TUSC3: variants seen among roughly 807,000 people sequenced by gnomAD.
The protein encoded by TUSC3 is tumor suppressor candidate 3, also known as dolichyl-diphosphooligosaccharide--protein glycosyltransferase subunit TUSC3.
A neutral mutation model predicts 44.8 loss-of-function variants in TUSC3; 45 were observed. The ratio of observed to expected loss-of-function variants is 1.00; its 90% CI spans 0.79 to 1.29. The LOEUF is 1.29. Ranked by LOEUF, TUSC3 falls within the 50% of genes most tolerant of loss-of-function variation. The pLI is 0.00. For synonymous variants in TUSC3, 212 were observed against 152.9 expected, an observed-to-expected ratio of 1.39 and a Z score of -2.85; for missense variants, 519 against 437.9, an observed-to-expected ratio of 1.19 and a Z score of -1.65.
At chr8:15,426,720 G>T (rs1260464490) in intron 1 of TUSC3, among the ~76,000 whole-genome samples, 1 of 152,184 alleles carries the variant, frequency 6.6e-6, no homozygotes, top group East Asian at 1.9e-4. Context: ...CCAAGATCCT[G>T]ATTTTAATTC....
intron 1 of TUSC3, among the ~76,000 whole-genome samples, chr8:15,565,991 C>G: frequency 6.6e-6 from 1 of 152,126 alleles, no homozygotes; most frequent in South Asian, 2.1e-4. Flanking sequence ...AAACTAAATA[C>G]CAAAACAAAT....
intron 7 of TUSC3, among the ~76,000 whole-genome samples, chr8:15,738,206 A>G (rs1811017220): frequency 1.3e-5 from 2 of 152,174 alleles, no homozygotes; most frequent in Non-Finnish European, 2.9e-5. Flanking sequence ...CTAACAAAAC[A>G]TTTTATCTTG....
intron 2 of TUSC3, among the ~76,000 whole-genome samples, chr8:15,625,518 G>A (rs1053231962): frequency 2.0e-5 from 3 of 152,118 alleles, no homozygotes; most frequent in Admixed American, 1.3e-4. Context: ...TTCCTCGATG[G>A]TTAAGCACAG....
chr8:15,625,576 C>G (rs996912852), intron 2 of TUSC3, among the ~76,000 whole-genome samples: 6 of 152,158 alleles, frequency 3.9e-5, no homozygotes, highest in African/African-American at 1.2e-4. Flanking sequence ...CAAGAGCAAA[C>G]ACATTTTGTA....
intron 1 of TUSC3, among the ~76,000 whole-genome samples, chr8:15,542,291 C>G (rs1314721768): frequency 1.3e-5 from 2 of 151,906 alleles, no homozygotes; most frequent in Non-Finnish European, 2.9e-5. Flanking sequence ...TTTTATTAGC[C>G]AGATGAAGCC....
At chr8:15,465,733 C>T (rs188501723) in intron 1 of TUSC3, among the ~76,000 whole-genome samples, 3 of 152,258 alleles carry the variant, frequency 2.0e-5, no homozygotes, top group African/African-American at 7.2e-5. Context: ...TGGAATTAAA[C>T]ATCAAACATA....
intron 1 of TUSC3, among the ~76,000 whole-genome samples, chr8:15,619,696 G>C (rs1469135030): frequency 6.6e-6 from 1 of 151,992 alleles, no homozygotes; most frequent in Non-Finnish European, 1.5e-5. Flanking sequence ...TGTTTTAGTA[G>C]AGATGGGGTT....
At chr8:15,686,221 A>C (rs1351452309) in intron 6 of TUSC3, among the ~76,000 whole-genome samples, 5 of 152,206 alleles carry the variant, frequency 3.3e-5, no homozygotes, top group Non-Finnish European at 7.3e-5. Flanking sequence ...TTTGTTGTTA[A>C]AAAAGCAATA....
At chr8:15,829,123 C>T in the TUSC3 span, among the ~76,000 whole-genome samples, 3 of 152,004 alleles carry the variant, frequency 2.0e-5, no homozygotes, top group South Asian at 4.2e-4. Flanking sequence ...TATTCTATGT[C>T]GTTCTATGGT....
At chr8:15,837,854 T>A in the TUSC3 span, among the ~76,000 whole-genome samples, 1 of 152,214 alleles carries the variant, frequency 6.6e-6, no homozygotes, top group African/African-American at 2.4e-5. Context: ...AGTATCTTGG[T>A]TTAGAAGTTA....
chr8:15,525,776 C>G (rs1801365772), intron 2 of TUSC3, among the ~76,000 whole-genome samples: 1 of 152,052 alleles, frequency 6.6e-6, no homozygotes, highest in African/African-American at 2.4e-5. Context: ...GAAATGACCT[C>G]TAAGTCAGGA....
At chr8:15,719,386 C>T (rs957189566) in intron 6 of TUSC3, among the ~76,000 whole-genome samples, 2 of 151,842 alleles carry the variant, frequency 1.3e-5, no homozygotes, top group African/African-American at 4.8e-5. Context: ...TCCTGACCTT[C>T]TTCCTATTTA....
chr8:15,693,365 C>G (rs895482778), intron 6 of TUSC3, among the ~76,000 whole-genome samples: 3 of 150,086 alleles, frequency 2.0e-5, no homozygotes, highest in Non-Finnish European at 4.4e-5. Flanking sequence ...CATGAATTCC[C>G]TTTCAGAAAA....
chr8:15,486,648 T>C (rs1800736414), intron 2 of TUSC3, among the ~76,000 whole-genome samples: 1 of 152,032 alleles, frequency 6.6e-6, no homozygotes. Flanking sequence ...TTTCACCATC[T>C]TGGCCAGGCT....
chr8:15,611,535 G>T (rs2129159048), intron 1 of TUSC3, among the ~76,000 whole-genome samples: 1 of 152,258 alleles, frequency 6.6e-6, no homozygotes, highest in Admixed American at 6.5e-5. Flanking sequence ...ATGGATTGCT[G>T]ATTACATTAT....
intron 1 of TUSC3, among the ~76,000 whole-genome samples, chr8:15,433,086 C>CA (rs1799891061): frequency 1.3e-5 from 2 of 152,138 alleles, no homozygotes; most frequent in Non-Finnish European, 2.9e-5. Flanking sequence ...TCCAAATAAA[C>CA]AAATTTTACT....
chr8:15,848,203 G>A, the TUSC3 span, among the ~76,000 whole-genome samples: 1 of 152,088 alleles, frequency 6.6e-6, no homozygotes, highest in Non-Finnish European at 1.5e-5. Flanking sequence ...CAGCTGTCAT[G>A]GATCAACGAC....
chr8:15,833,882 C>T, the TUSC3 span, among the ~76,000 whole-genome samples: 1 of 151,564 alleles, frequency 6.6e-6, no homozygotes, highest in Non-Finnish European at 1.5e-5. Context: ...GATATAAACT[C>T]AATTTTTTCC....
chr8:15,813,770 T>TG, the TUSC3 span, among the ~76,000 whole-genome samples: 2 of 97,184 alleles, frequency 2.1e-5, no homozygotes, highest in African/African-American at 9.3e-5. Context: ...GTGAAAGAGG[T>TG]TTTTTTTTTA....
Sources: gnomAD v4.1 joint callset for allele counts (sites outside exome capture counted in the v4.1 genomes callset) on GRCh38, gnomAD v4.1.1 for gene constraint, MANE v1.5 for transcripts, NCBI Gene and HGNC (gene_info 2026-07-23, HGNC 2026-07-21) for gene names.